The following F10 variants were observed in gnomAD, a reference collection of about 807,000 sequenced individuals.
The protein encoded by F10 is Stuart-Prower factor.
A neutral mutation model predicts 37.1 loss-of-function variants in F10; 29 were observed. The ratio of observed to expected loss-of-function variants is 0.78; its 90% confidence interval spans 0.58 to 1.07. F10 has a LOEUF of 1.07. F10 is among the 50% of genes least tolerant of loss of function. The pLI is 0.00. For missense variants in F10, 539 were observed against 667.9 expected (o/e 0.81, Z 2.13); for synonymous variants, 262 against 268.6 (o/e 0.98, Z 0.24).
intron 1 of F10, among the ~76,000 whole-genome samples, chr13:113,123,143 G>T (rs1689373471): frequency 2.0e-5 from 3 of 152,222 alleles, no homozygotes; most frequent in Non-Finnish European, 2.9e-5. Flanking sequence ...CGGATCAGAG[G>T]TCACAGAGAC....
In F10 at chr13:113,148,945, G is replaced by A. The variant is rs745764165; in HGVS notation, c.895G>A (p.Gly299Ser). The stretch of plus-strand genomic sequence containing the variant: ...CCGGAACACGGAGCAGGAGGAGGGC[G>A]GTGAGGCGGTGCACGAGGTGGAGGT... The part of the protein sequence containing the change: ...GDRNTEQEEG[G>S]EAVHEVEVVI... Residue 299 changes from glycine (G) to serine (S), a missense_variant, in exon 8 of 8, where the codon GGT becomes AGT. Around this residue, in one of 2 missense-constraint regions of F10, gnomAD observed 409 missense variants for 547.9 expected, o/e 0.75. Coordinates refer to ENST00000375559, the MANE Select transcript of F10 (RefSeq NM_000504.4). 42 of 1,613,392 alleles carry A rather than the reference G, an allele frequency of 2.6e-5. 1 individual carries two copies. Among genetic ancestry groups the A allele is most frequent in the East Asian group, 4.5e-5 (2 of 44,872 alleles).
In F10 at chr13:113,138,463, T is replaced by A; in HGVS notation, c.238T>A (p.Phe80Ile). 1 of 1,351,574 alleles carries A rather than the reference T, an allele frequency of 7.4e-7. No homozygotes were observed. The highest frequency in any genetic ancestry group is 1.1e-6 in the Non-Finnish European group (1 of 947,090). The allele number at this position is 1,351,574 out of a possible 1,614,324, so 83.7% of individuals were successfully genotyped here. A position where few individuals can be genotyped will look rare whatever the true frequency, so the allele number is the denominator to read the frequency against. ...VFEDSDKTNEFWNKYKDGDQC... is the reference protein window; with the variant it reads ...VFEDSDKTNEIWNKYKDGDQC... Reference sequence around the variant, plus strand: ...ATTTCTTTTTTCCTTTTAGAATGAATTCTGGAATAAATACAAAGGTCAGTA... The same window carrying A: ...ATTTCTTTTTTCCTTTTAGAATGAAATCTGGAATAAATACAAAGGTCAGTA... The change falls in exon 3 of 8, where the codon TTC becomes ATC. Residue 80 changes from phenylalanine to isoleucine, a missense_variant. Physicochemically the swap from Phe to Ile is conservative, Grantham distance 21 (BLOSUM62 0). Transcript: ENST00000375559.
chr13:113,146,782 CG>C lies in F10; in HGVS notation c.748-594del, dbSNP rs1219407136. The stretch of plus-strand genomic sequence containing the variant: ...AGAGAAAAGAAAACCAAAATATGCC[CG>C]GGCTCCAAACTTGCAAGTCCAGCTC... On this transcript the variant is annotated intron_variant, in intron 6 of 7. Transcript: ENST00000375559. This position sits in a 1 kb window ranked among gnomAD's most constrained non-coding sequence, Gnocchi z 4.5. 3.9e-5 allele frequency among the ~76,000 whole-genome samples: 6 copies of C among 152,156 alleles called. No individual in the cohort carries two copies. The highest frequency in any genetic ancestry group is 1.4e-4 in the African/African-American group (6 of 41,442).
At position 113,141,113 on chromosome 13, in the gene F10, C is replaced by A. The variant is rs534226055; in HGVS notation, c.502+63C>A. On this transcript the variant is annotated intron_variant, in intron 5 of 7. Transcript: ENST00000375559. The surrounding 1 kb of genome is among the most constrained non-coding windows in gnomAD (Gnocchi z 5.4). The stretch of plus-strand genomic sequence containing the variant: ...TGGGCCGGGCCAGGGAGGACAAGCC[C>A]GTGCCAGGGGGTGGGGACACAGGCA... The A allele has an allele frequency of 3.7e-6, 6 of 1,604,450 alleles. No individual in the cohort carries two copies. In the South Asian group the frequency reaches 5.5e-5, roughly 15 times the overall value.
rs375993132 is a variant in F10, at chr13:113,139,434, T to C, written c.334T>C (p.Cys112Arg). The C allele has an allele frequency of 6.2e-7, 1 of 1,613,826 alleles. No homozygotes were observed. The highest frequency in any genetic ancestry group is 1.3e-5 in the African/African-American group (1 of 74,886). Residue 112 changes from cysteine to arginine, a missense_variant, in exon 4 of 8, where the codon TGT becomes CGT. Physicochemically the swap from Cys to Arg is radical, Grantham distance 180. Coordinates refer to ENST00000375559, the MANE Select transcript of F10 (RefSeq NM_000504.4). This position sits in a 1 kb window ranked among gnomAD's most constrained non-coding sequence, Gnocchi z 5.2. Reference protein sequence around the residue: ...KDGLGEYTCTCLEGFEGKNCE... With the variant: ...KDGLGEYTCTRLEGFEGKNCE... ...CGGCCTCGGGGAATACACCTGCACC[T>C]GTTTAGAAGGATTCGAAGGCAAAAA...
intron 2 of F10, 90 bp downstream of exon 2, chr13:113,129,702 G>GCCCC: frequency 1.3e-6 from 2 of 1,552,990 alleles, no homozygotes; most frequent in Non-Finnish European, 1.8e-6. Flanking sequence ...CAGGGGGGCG[G>GCCCC]CCTGGAGGAA....
In F10 at chr13:113,139,666, T is replaced by C. The variant is rs148549105; in HGVS notation, c.370+196T>C. Among the ~76,000 whole-genome samples the C allele has an allele frequency of 2.4e-4, 36 of 152,050 alleles. No homozygotes were observed. Among genetic ancestry groups the C allele is most frequent in the African/African-American group, 8.7e-4 (36 of 41,484 alleles). ...AGCCCCAATATGTCCCCCAAACGAT[T>C]CGGTTTGGGGGCATGATGAGAGAGA... On this transcript the variant is annotated intron_variant, in intron 4 of 7. Transcript: ENST00000375559. This position sits in a 1 kb window ranked among gnomAD's most constrained non-coding sequence, Gnocchi z 5.2.
In F10 at chr13:113,148,977, C is replaced by T; in HGVS notation, c.927C>T (p.Ile309=). The T allele has an allele frequency of 2.5e-6, 4 of 1,613,556 alleles. No individual in the cohort carries two copies. The highest frequency in any genetic ancestry group is 3.4e-6 in the Non-Finnish European group (4 of 1,180,028). ...CGGTGCACGAGGTGGAGGTGGTCATCAAGCACAACCGGTTCACAAAGGAGA... is the reference window on the plus strand; with the variant it reads ...CGGTGCACGAGGTGGAGGTGGTCATTAAGCACAACCGGTTCACAAAGGAGA... ...GEAVHEVEVV[I]KHNRFTKETY... Residue 309 remains isoleucine (I), a synonymous_variant, in exon 8 of 8, where the codon ATC becomes ATT. Coordinates refer to ENST00000375559, the MANE Select transcript of F10 (RefSeq NM_000504.4).
Position 113,140,984 on chromosome 13 carries a change from T to C in F10, c.436T>C (p.Ser146Pro). ...CDQFCHEEQN[S>P]VVCSCARGYT... is the part of the protein sequence containing the mutation. ...CCAGTTCTGCCACGAGGAACAGAAC[T>C]CTGTGGTGTGCTCCTGCGCCCGCGG... Residue 146 changes from serine to proline, a missense_variant, in exon 5 of 8, where the codon TCT becomes CCT. Ser to Pro is a moderately conservative substitution (Grantham distance 74). Coordinates refer to ENST00000375559, the MANE Select transcript of F10 (RefSeq NM_000504.4). 6.2e-7 allele frequency: 1 copy of C among 1,614,118 alleles called. No individual in the cohort carries two copies. The highest frequency in any genetic ancestry group is 1.3e-5 in the African/African-American group (1 of 75,050).
At position 113,148,997 on chromosome 13, in the gene F10, A is replaced by G. The variant is rs144679674; in HGVS notation, c.947A>G (p.Lys316Arg). ...EVVIKHNRFT[K>R]ETYDFDIAVL... ...GTCATCAAGCACAACCGGTTCACAA[A>G]GGAGACCTATGACTTCGACATCGCC... Residue 316 changes from lysine (K) to arginine (R), a missense_variant, in exon 8 of 8, where the codon AAG becomes AGG. Physicochemically the swap from Lys to Arg is conservative, Grantham distance 26. Coordinates refer to ENST00000375559, the MANE Select transcript of F10 (RefSeq NM_000504.4). 815 of 1,613,594 alleles carry G rather than the reference A, an allele frequency of 5.1e-4. No individual in the cohort carries two copies. The highest frequency in any genetic ancestry group is 6.4e-4 in the Non-Finnish European group (753 of 1,180,012).
chr13:113,139,774 ACT>A lies in F10; in HGVS notation c.370+309_370+310del, dbSNP rs569127827. Among the ~76,000 whole-genome samples the A allele has an allele frequency of 1.1e-3, 167 of 150,596 alleles. 1 individual carries two copies. In the South Asian group the frequency reaches 0.013, roughly 12 times the overall value. Reference sequence around the variant, plus strand: ...TCCATTCATGTGTAAACAGGAGTGGACTCTCTGTTTTCCTTGGGGCCAAGTGC... The same window carrying A: ...TCCATTCATGTGTAAACAGGAGTGGACTCTGTTTTCCTTGGGGCCAAGTGC... On this transcript the variant is annotated intron_variant, in intron 4 of 7. Transcript: ENST00000375559. The surrounding 1 kb of genome is among the most constrained non-coding windows in gnomAD (Gnocchi z 5.2).
chr13:113,123,905 G>C (rs2036345337), intron 1 of F10, among the ~76,000 whole-genome samples: 1 of 152,068 alleles, frequency 6.6e-6, no homozygotes, highest in Admixed American at 6.5e-5. Context: ...ATGGGGTACT[G>C]TGTGGCTCCA....
Position 113,149,355 on chromosome 13 carries a change from C to G in F10, c.1305C>G (p.Gly435=). 6.2e-7 allele frequency: 1 copy of G among 1,613,400 alleles called. No individual in the cohort carries two copies. Among genetic ancestry groups the G allele is most frequent in the Non-Finnish European group, 8.5e-7 (1 of 1,179,986 alleles). The change falls in exon 8 of 8, where the codon GGC becomes GGG. Residue 435 remains glycine (G), a synonymous_variant. Coordinates refer to ENST00000375559, the MANE Select transcript of F10 (RefSeq NM_000504.4). The surrounding 1 kb of genome is among the most constrained non-coding windows in gnomAD (Gnocchi z 7.5). ...TRFKDTYFVT[G]IVSWGEGCAR... The stretch of plus-strand genomic sequence containing the variant: ...TCAAGGACACCTACTTCGTGACAGG[C>G]ATCGTCAGCTGGGGAGAGGGCTGTG...
chr13:113,134,283 C>G (rs763400634), intron 2 of F10, among the ~76,000 whole-genome samples: 2 of 152,142 alleles, frequency 1.3e-5, no homozygotes, highest in African/African-American at 4.8e-5. Flanking sequence ...GGGAAAAAAG[C>G]TTGTTTTAGT....
chr13:113,144,335 C>A lies in F10; in HGVS notation c.747+240C>A. ...GGAGAGGCTGGGCCCAGGCAACGCC[C>A]CCCTCAGCCCCTTCCCACTGGGCAT... On this transcript the variant is annotated intron_variant, in intron 6 of 7. Coordinates refer to ENST00000375559, the MANE Select transcript of F10 (RefSeq NM_000504.4). The surrounding 1 kb of genome is among the most constrained non-coding windows in gnomAD (Gnocchi z 6.4). 1 of 597,026 alleles carries A rather than the reference C, an allele frequency of 1.7e-6. No individual in the cohort carries two copies. Among genetic ancestry groups the A allele is most frequent in the Non-Finnish European group, 3.0e-6 (1 of 338,210 alleles). The allele number at this position is 597,026 out of a possible 1,614,324, so 37.0% of individuals were successfully genotyped here. A position where few individuals can be genotyped will look rare whatever the true frequency, so the allele number is the denominator to read the frequency against.
Position 113,129,509 on chromosome 13 carries a change from C to T in F10, c.128C>T (p.Ser43Phe). 1 of 1,614,146 alleles carries T rather than the reference C, an allele frequency of 6.2e-7. No homozygotes were observed. The highest frequency in any genetic ancestry group is 8.5e-7 in the Non-Finnish European group (1 of 1,180,016). Reference sequence around the variant, plus strand: ...CTGGCGAGGGTCACGAGGGCCAATTCCTTTCTTGAAGAGATGAAGAAAGGA... The same window carrying T: ...CTGGCGAGGGTCACGAGGGCCAATTTCTTTCTTGAAGAGATGAAGAAAGGA... ...NILARVTRAN[S>F]FLEEMKKGHL... is the part of the protein sequence containing the mutation. Residue 43 changes from serine (S) to phenylalanine (F), a missense_variant, in exon 2 of 8, where the codon TCC becomes TTC. Transcript: ENST00000375559.
intron 2 of F10, 45 bp from the exon 3 acceptor site, chr13:113,138,410 GTC>G (rs770851154): frequency 1.6e-5 from 15 of 947,246 alleles, no homozygotes; most frequent in Admixed American, 7.5e-5. Context: ...GGTATAAAAT[GTC>G]TCTGTTTTCC....
chr13:113,135,784 A>G (rs1161798441), intron 2 of F10, among the ~76,000 whole-genome samples: 1 of 152,236 alleles, frequency 6.6e-6, no homozygotes, highest in African/African-American at 2.4e-5. Context: ...ATACAAAACT[A>G]TAAAACTTTT....
intron 2 of F10, among the ~76,000 whole-genome samples, chr13:113,137,951 G>T (rs934781900): frequency 1.4e-4 from 21 of 152,266 alleles, no homozygotes; most frequent in Admixed American, 2.6e-4. Flanking sequence ...AGCAGGGAGG[G>T]CACTATTCAA....
Sources: gnomAD v4.1 joint callset for allele counts (sites outside exome capture counted in the v4.1 genomes callset) on GRCh38, gnomAD v4.1.1 for gene constraint, gnomAD v4.1.1 regional missense constraint, Gnocchi (gnomAD v3.1) non-coding constraint, MANE v1.5 for transcripts, NCBI Gene and HGNC (gene_info 2026-07-23, HGNC 2026-07-21) for gene names.